The following AGMO variants were observed in gnomAD, a reference collection of about 807,000 sequenced individuals.
The protein encoded by AGMO is glyceryl-ether monooxygenase.
In AGMO, 75 loss-of-function variants were observed where a neutral mutation model predicts 60.2. The ratio of observed to expected loss-of-function variants is 1.25; its 90% CI spans 1.03 to 1.51. The LOEUF is 1.51. Among genes scored for constraint, AGMO ranks in the 40% most tolerant of loss-of-function variants. The pLI, the probability that AGMO is intolerant of heterozygous loss-of-function variation, is 0.00. For synonymous variants in AGMO, 261 were observed against 177.1 expected (o/e 1.47, Z -3.76); for missense variants, 763 against 525.5 (o/e 1.45, Z -4.42).
chr7:15,506,674 C>A (rs1238402607), intron 3 of AGMO, among the ~76,000 whole-genome samples: 1 of 151,986 alleles, frequency 6.6e-6, no homozygotes, highest in Non-Finnish European at 1.5e-5. Context: ...TCTTCATCTG[C>A]ATATTAACTC....
At chr7:15,549,526 G>T (rs1279576153) in intron 2 of AGMO, among the ~76,000 whole-genome samples, 2 of 151,826 alleles carry the variant, frequency 1.3e-5, no homozygotes, top group African/African-American at 2.4e-5. Context: ...CCTAGTCTCT[G>T]ATAGAACAGA....
intron 12 of AGMO, among the ~76,000 whole-genome samples, chr7:15,275,551 C>A (rs1182369531): frequency 6.6e-6 from 1 of 152,068 alleles, no homozygotes; most frequent in East Asian, 1.9e-4. Context: ...CTATAAATGT[C>A]TATCATATCA....
At chr7:15,272,112 T>A (rs1174695590) in intron 12 of AGMO, among the ~76,000 whole-genome samples, 2 of 151,918 alleles carry the variant, frequency 1.3e-5, no homozygotes, top group Admixed American at 1.3e-4. Flanking sequence ...CATATATGTT[T>A]ATCAGGGATA....
At chr7:15,361,314 C>A (rs920006439) in intron 12 of AGMO, among the ~76,000 whole-genome samples, 1 of 150,974 alleles carries the variant, frequency 6.6e-6, no homozygotes. Flanking sequence ...CCAAGGCAGG[C>A]GGATCACCAG....
intron 9 of AGMO, 51 bp downstream of exon 9, chr7:15,387,355 T>C (rs1783957521): frequency 1.9e-6 from 3 of 1,590,586 alleles, no homozygotes; most frequent in Non-Finnish European, 2.6e-6. Context: ...GCTGTAGACC[T>C]GACAATATGA....
intron 12 of AGMO, among the ~76,000 whole-genome samples, chr7:15,297,673 C>T (rs906304285): frequency 1.6e-4 from 25 of 152,296 alleles, no homozygotes; most frequent in Non-Finnish European, 3.1e-4. Flanking sequence ...GCATACCCCC[C>T]TTCCTGGGAA....
chr7:15,284,091 G>A (rs1191022009), intron 12 of AGMO, among the ~76,000 whole-genome samples: 1 of 152,060 alleles, frequency 6.6e-6, no homozygotes, highest in Non-Finnish European at 1.5e-5. Flanking sequence ...AGTGCTAAGA[G>A]AAAAGTCTGT....
chr7:15,307,433 G>C (rs74948111), intron 12 of AGMO, among the ~76,000 whole-genome samples: 2,506 of 151,982 alleles, frequency 0.016, 70 homozygotes, highest in African/African-American at 0.058. Context: ...ATTTAGATGG[G>C]CTAATCAATT....
At chr7:15,423,430 C>T (rs1780978272) in intron 4 of AGMO, among the ~76,000 whole-genome samples, 1 of 150,154 alleles carries the variant, frequency 6.7e-6, no homozygotes, top group African/African-American at 2.4e-5. Context: ...TTTTTCTGGT[C>T]CCATTTCTAT....
At chr7:15,527,801 T>C (rs528816351) in intron 3 of AGMO, among the ~76,000 whole-genome samples, 12 of 152,306 alleles carry the variant, frequency 7.9e-5, no homozygotes, top group African/African-American at 2.9e-4. Context: ...TGCAGGGCTC[T>C]TAAGAATTAT....
At chr7:15,501,699 T>C (rs1304011562) in intron 3 of AGMO, among the ~76,000 whole-genome samples, 1 of 151,932 alleles carries the variant, frequency 6.6e-6, no homozygotes, top group East Asian at 1.9e-4. Flanking sequence ...AAAATAGGCC[T>C]AGGACATTAA....
At chr7:15,346,511 A>G (rs913922871) in intron 12 of AGMO, among the ~76,000 whole-genome samples, 6 of 151,816 alleles carry the variant, frequency 4.0e-5, no homozygotes, top group East Asian at 1.9e-4. Context: ...ATTGATATTT[A>G]TTTTCATTAA....
intron 12 of AGMO, among the ~76,000 whole-genome samples, chr7:15,249,375 G>C (rs556598936): frequency 4.1e-4 from 62 of 152,094 alleles, no homozygotes; most frequent in Non-Finnish European, 7.6e-4. Flanking sequence ...ATAAAAAGTT[G>C]AGGATAAGAT....
At chr7:15,509,091 C>T (rs1311903098) in intron 3 of AGMO, among the ~76,000 whole-genome samples, 3 of 152,110 alleles carry the variant, frequency 2.0e-5, no homozygotes, top group South Asian at 2.1e-4. Context: ...TAAAAGGAAC[C>T]AGTAGTGTTG....
intron 3 of AGMO, among the ~76,000 whole-genome samples, chr7:15,533,549 C>T (rs1784418394): frequency 1.3e-5 from 2 of 152,098 alleles, no homozygotes; most frequent in African/African-American, 4.8e-5. Flanking sequence ...TCTCTTCCTA[C>T]TCATTTGGTT....
At chr7:15,406,228 T>TACACACACACACAC (rs61400312) in intron 5 of AGMO, among the ~76,000 whole-genome samples, 5,417 of 136,220 alleles carry the variant, frequency 0.04, 148 homozygotes, top group African/African-American at 0.059. Flanking sequence ...TTGTTTGGAA[T>TACACACACACACAC]ACACACACAC....
chr7:15,390,649 G>T, intron 8 of AGMO, 22 bp downstream of exon 8: 1 of 1,499,950 alleles, frequency 6.7e-7, no homozygotes, highest in Non-Finnish European at 9.2e-7. Context: ...AATGAAGAAA[G>T]AATAAAAAAC....
intron 12 of AGMO, among the ~76,000 whole-genome samples, chr7:15,210,648 T>C (rs916575721): frequency 1.3e-5 from 2 of 152,094 alleles, no homozygotes; most frequent in African/African-American, 2.4e-5. Context: ...CGGAGTGATA[T>C]TCCTATAACA....
the AGMO span, among the ~76,000 whole-genome samples, chr7:15,184,479 A>AG: frequency 1.2e-5 from 1 of 81,342 alleles, no homozygotes; most frequent in African/African-American, 5.1e-5. Context: ...AGGAAGGAAA[A>AG]GGAGGGAGGG....
Sources: allele counts gnomAD v4.1 joint callset (sites outside exome capture counted in the v4.1 genomes callset), GRCh38; gene constraint gnomAD v4.1.1; transcripts MANE v1.5; gene names NCBI Gene and HGNC (gene_info 2026-07-23, HGNC 2026-07-21).